Variants in DPYD observed in about 807,000 individuals in gnomAD.
DPYD encodes dihydropyrimidine dehydrogenase.
Under a neutral mutation model 116.2 loss-of-function variants are expected in DPYD, and 109 were observed. The observed-to-expected ratio is 0.94, with a 90% CI of 0.80 to 1.10. The LOEUF (loss-of-function observed/expected upper bound fraction) is 1.10, where lower values mean the gene tolerates loss of function less well. Ranked by LOEUF, DPYD falls within the 50% of genes least tolerant of loss-of-function variation. The pLI is 0.00. For missense variants in DPYD, 1,302 were observed against 1,254.5 expected, an observed-to-expected ratio of 1.04 and a Z score of -0.57; for synonymous variants, 440 against 432.0, an observed-to-expected ratio of 1.02 and a Z score of -0.23.
At chr1:97,155,194 A>C (rs972492498) in intron 20 of DPYD, among the ~76,000 whole-genome samples, 1 of 152,202 alleles carries the variant, frequency 6.6e-6, no homozygotes, top group African/African-American at 2.4e-5. Context: ...GTTAATATTC[A>C]GGACATATTT....
intron 14 of DPYD, among the ~76,000 whole-genome samples, chr1:97,411,444 T>C (rs1291554184): frequency 6.6e-6 from 1 of 152,062 alleles, no homozygotes; most frequent in Admixed American, 6.6e-5. Context: ...TATTTCCACG[T>C]TTGAATTCAC....
chr1:97,430,894 C>A (rs1675142732), intron 14 of DPYD, among the ~76,000 whole-genome samples: 2 of 151,868 alleles, frequency 1.3e-5, no homozygotes, highest in African/African-American at 4.8e-5. Flanking sequence ...GTGAACCAAT[C>A]CTACTGAGAA....
At chr1:97,907,519 C>A (rs1004149162) in intron 1 of DPYD, among the ~76,000 whole-genome samples, 4 of 152,042 alleles carry the variant, frequency 2.6e-5, no homozygotes, top group Non-Finnish European at 4.4e-5. Flanking sequence ...AGTGCCAGAA[C>A]CAGGACTTTA....
intron 16 of DPYD, among the ~76,000 whole-genome samples, chr1:97,337,632 G>A (rs1669368988): frequency 6.9e-6 from 1 of 144,120 alleles, no homozygotes; most frequent in African/African-American, 2.5e-5. Context: ...GGGCTAAGTT[G>A]AAGGCTCATG....
intron 3 of DPYD, among the ~76,000 whole-genome samples, chr1:97,785,371 T>C (rs940025533): frequency 1.3e-5 from 2 of 152,216 alleles, no homozygotes; most frequent in African/African-American, 4.8e-5. Flanking sequence ...CATACTGTCA[T>C]ACAAATCAGT....
At chr1:97,899,938 T>A (rs917929962) in intron 1 of DPYD, among the ~76,000 whole-genome samples, 1 of 151,946 alleles carries the variant, frequency 6.6e-6, no homozygotes, top group African/African-American at 2.4e-5. Flanking sequence ...TGTGGCAGAC[T>A]TTGCAGCTCT....
intron 3 of DPYD, among the ~76,000 whole-genome samples, chr1:97,806,694 T>C (rs888516924): frequency 3.9e-5 from 6 of 151,934 alleles, no homozygotes; most frequent in Non-Finnish European, 7.4e-5. Context: ...TAGTTTACAT[T>C]AGAAATCAAT....
intron 16 of DPYD, among the ~76,000 whole-genome samples, chr1:97,328,375 G>A (rs1341090132): frequency 6.6e-6 from 1 of 152,024 alleles, no homozygotes; most frequent in Non-Finnish European, 1.5e-5. Context: ...GGCATGCAGC[G>A]AAAACCAGTC....
intron 19 of DPYD, among the ~76,000 whole-genome samples, chr1:97,218,172 T>C (rs1188112790): frequency 6.6e-6 from 1 of 152,130 alleles, no homozygotes; most frequent in Non-Finnish European, 1.5e-5. Context: ...ACTGAGATTT[T>C]TGAAAAATGT....
At chr1:97,457,976 A>C (rs960327745) in intron 13 of DPYD, among the ~76,000 whole-genome samples, 3 of 152,168 alleles carry the variant, frequency 2.0e-5, no homozygotes, top group Non-Finnish European at 4.4e-5. Context: ...CAGACTGATT[A>C]AATTATTGGG....
At chr1:97,642,578 T>C (rs1305650351) in intron 8 of DPYD, among the ~76,000 whole-genome samples, 1 of 151,842 alleles carries the variant, frequency 6.6e-6, no homozygotes. Context: ...TTACACCTTT[T>C]ACAAAAATTA....
intron 21 of DPYD, among the ~76,000 whole-genome samples, chr1:97,085,304 G>C (rs1649435440): frequency 6.6e-6 from 1 of 152,134 alleles, no homozygotes; most frequent in Non-Finnish European, 1.5e-5. Flanking sequence ...TTCTTCAAAA[G>C]AAACGTTGTA....
intron 19 of DPYD, among the ~76,000 whole-genome samples, chr1:97,218,667 T>C (rs538660125): frequency 3.8e-4 from 58 of 151,706 alleles, no homozygotes; most frequent in African/African-American, 1.2e-3. Flanking sequence ...ATCTACTCCA[T>C]AAGCAATAAA....
At chr1:97,466,253 C>T (rs181692777) in intron 13 of DPYD, among the ~76,000 whole-genome samples, 1 of 152,152 alleles carries the variant, frequency 6.6e-6, no homozygotes, top group African/African-American at 2.4e-5. Context: ...TTGATTCCTG[C>T]AGAAGGTTCT....
intron 20 of DPYD, among the ~76,000 whole-genome samples, chr1:97,146,280 G>A (rs1248002857): frequency 6.6e-6 from 1 of 152,138 alleles, no homozygotes; most frequent in African/African-American, 2.4e-5. Flanking sequence ...CATAAAAATG[G>A]TCCTTAGGGA....
At chr1:97,512,469 C>T (rs1005943633) in intron 13 of DPYD, among the ~76,000 whole-genome samples, 3 of 151,912 alleles carry the variant, frequency 2.0e-5, no homozygotes, top group African/African-American at 7.2e-5. Flanking sequence ...ATAAATACTT[C>T]TTAGTTTATT....
intron 1 of DPYD, among the ~76,000 whole-genome samples, chr1:97,908,042 A>T (rs1033467200): frequency 1.2e-4 from 18 of 151,462 alleles, no homozygotes; most frequent in African/African-American, 4.1e-4. Context: ...CTATCTTTTC[A>T]TTTTTTTCCC....
chr1:97,629,665 T>C lies in DPYD; in HGVS notation c.851-34499A>G, dbSNP rs138992950. ...CCATTTCTGATAATCCTATTTAAAATAGTGTCTCTCCAAAAACAAAAAAAA... is the reference window on the plus strand; with the variant it reads ...CCATTTCTGATAATCCTATTTAAAACAGTGTCTCTCCAAAAACAAAAAAAA... On this transcript the variant is annotated intron_variant, in intron 8 of 22. Coordinates refer to ENST00000370192, the MANE Select transcript of DPYD (RefSeq NM_000110.4). Among the ~76,000 whole-genome samples, 1,327 of 151,848 alleles carry C rather than the reference T, an allele frequency of 8.7e-3. 21 individuals are homozygous for C. The highest frequency in any genetic ancestry group is 0.03 in the African/African-American group (1,224 of 41,420).
intron 18 of DPYD, among the ~76,000 whole-genome samples, chr1:97,251,129 G>A (rs186269834): frequency 6.6e-6 from 1 of 152,196 alleles, no homozygotes; most frequent in African/African-American, 2.4e-5. Context: ...GGGCACGGTG[G>A]CTCATGTCTG....
Sources: allele counts gnomAD v4.1 joint callset (sites outside exome capture counted in the v4.1 genomes callset), GRCh38; gene constraint gnomAD v4.1.1; transcripts MANE v1.5; gene names NCBI Gene and HGNC (gene_info 2026-07-23, HGNC 2026-07-21).